Variants in FHDC1 observed in about 807,000 individuals in gnomAD.
FHDC1 encodes FH2 domain containing 1.
A neutral mutation model predicts 52.6 loss-of-function variants in FHDC1; 25 were observed. That is an observed-to-expected ratio of 0.48 (90% CI 0.35 to 0.66). The LOEUF (loss-of-function observed/expected upper bound fraction) is 0.66. Ranked by LOEUF, FHDC1 falls within the 30% of genes least tolerant of loss-of-function variation. The pLI, the probability that FHDC1 is intolerant of heterozygous loss-of-function variation, is 0.01. For synonymous variants in FHDC1, 616 were observed against 581.5 expected (o/e 1.06, Z -0.85); for missense variants, 1,459 against 1,452.8 (o/e 1.00, Z -0.07).
At chr4:152,971,639 G>A (rs939453579) in intron 10 of FHDC1, among the ~76,000 whole-genome samples, 1 of 152,204 alleles carries the variant, frequency 6.6e-6, no homozygotes, top group East Asian at 1.9e-4. Flanking sequence ...AGAAGAATTA[G>A]GAGAAAATGA....
At chr4:152,928,087 C>T in the FHDC1 span, 1 of 1,282,952 alleles carries the variant, frequency 7.8e-7, no homozygotes, top group Non-Finnish European at 1.1e-6. Flanking sequence ...TCCTCCCAGG[C>T]CTGTGCACCT....
Position 152,976,461 on chromosome 4 carries a change from C to A in FHDC1, c.3170C>A (p.Ala1057Asp), listed in dbSNP as rs1452528235. 1.4e-5 allele frequency: 22 copies of A among 1,613,506 alleles called. No homozygotes were observed. The highest frequency in any genetic ancestry group is 1.8e-5 in the Non-Finnish European group (21 of 1,180,036). The change falls in exon 12 of 12, where the codon GCC becomes GAC. Residue 1057 changes from alanine to aspartate, a missense_variant. By Grantham distance (126) the Ala-to-Asp change is moderately radical. Transcript: ENST00000511601. ...ACAGATCTTCCTCCCGTGGCCAAAG[C>A]CCCCGGCATCACTCGGACAGTGTCG... ...MRTDLPPVAKAPGITRTVSQR... is the reference protein window; with the variant it reads ...MRTDLPPVAKDPGITRTVSQR...
At chr4:152,959,534 A>G (rs965667289) in intron 4 of FHDC1, among the ~76,000 whole-genome samples, 1 of 152,224 alleles carries the variant, frequency 6.6e-6, no homozygotes, top group African/African-American at 2.4e-5. Flanking sequence ...GCAACAGAAG[A>G]AAATAGCAGA....
chr4:152,964,120 T>C (rs930548174), intron 8 of FHDC1, among the ~76,000 whole-genome samples: 2 of 152,128 alleles, frequency 1.3e-5, no homozygotes, highest in African/African-American at 4.8e-5. Context: ...GTGAGAGTAG[T>C]GATAACTTAC....
At chr4:152,955,559 G>C (rs1740057347) in intron 4 of FHDC1, among the ~76,000 whole-genome samples, 1 of 152,118 alleles carries the variant, frequency 6.6e-6, no homozygotes, top group South Asian at 2.1e-4. Flanking sequence ...ATCTCAGCTC[G>C]CTGCAACCTC....
intron 6 of FHDC1, among the ~76,000 whole-genome samples, chr4:152,962,214 T>C (rs1389067691): frequency 1.3e-5 from 2 of 152,220 alleles, no homozygotes; most frequent in Non-Finnish European, 2.9e-5. Flanking sequence ...AATGATAAGT[T>C]TCTTTCTAAA....
At chr4:152,944,647 G>A (rs1695156497) in intron 2 of FHDC1, among the ~76,000 whole-genome samples, 1 of 152,172 alleles carries the variant, frequency 6.6e-6, no homozygotes, top group Non-Finnish European at 1.5e-5. Context: ...AAAGCTGATT[G>A]TGTGATCTCC....
At chr4:152,965,019 A>G (rs746134411) in intron 9 of FHDC1, 44 bp downstream of exon 9, 4 of 1,522,346 alleles carry the variant, frequency 2.6e-6, no homozygotes, top group Non-Finnish European at 3.6e-6. Context: ...TTACCTTTTT[A>G]TGAAAACTGA....
intron 6 of FHDC1, among the ~76,000 whole-genome samples, chr4:152,961,958 C>A (rs1740293401): frequency 6.6e-6 from 1 of 152,118 alleles, no homozygotes; most frequent in Non-Finnish European, 1.5e-5. Flanking sequence ...GTCATCCTTC[C>A]AAAACTGGCC....
At chr4:152,964,856 C>A in intron 8 of FHDC1, 49 bp from the exon 9 acceptor site, 1 of 1,476,314 alleles carries the variant, frequency 6.8e-7, no homozygotes, top group South Asian at 1.2e-5. Context: ...AAAATTATTT[C>A]CTTCCAGTTT....
rs1052519657 is a variant in FHDC1 at position 152,976,682 on chromosome 4, C to T, written c.3391C>T (p.Arg1131Trp). The T allele has an allele frequency of 1.9e-6, 3 of 1,540,282 alleles. No individual in the cohort carries two copies. The highest frequency in any genetic ancestry group is 2.6e-6 in the Non-Finnish European group (3 of 1,144,050). Reference sequence around the variant, plus strand: ...CTCCCTCCGTCGGAAGGACTCCAGTCGGACCACGCTGGGGAGAATCCTCAA... The same window carrying T: ...CTCCCTCCGTCGGAAGGACTCCAGTTGGACCACGCTGGGGAGAATCCTCAA... The part of the protein sequence containing the change: ...RASLRRKDSS[R>W]TTLGRILNPL... The change falls in exon 12 of 12, where the codon CGG (arginine) becomes TGG (tryptophan). Residue 1131 changes from arginine to tryptophan, a missense_variant. Physicochemically the swap from Arg to Trp is moderately radical, Grantham distance 101. Around this residue, in one of 3 missense-constraint regions of FHDC1, gnomAD observed 939 missense variants for 854.5 expected, o/e 1.10. Coordinates refer to ENST00000511601, the MANE Select transcript of FHDC1 (RefSeq NM_001371116.1).
chr4:152,975,861 A>G lies in FHDC1; in HGVS notation c.2570A>G (p.Lys857Arg), dbSNP rs769567910. ...GLPRDKPTKR[K>R]DVVAPKRGSL... is the part of the protein sequence containing the mutation. ...CCCAGGGACAAACCCACCAAAAGGA[A>G]AGATGTTGTAGCACCAAAGAGAGGC... The change falls in exon 12 of 12, where the codon AAA becomes AGA. Residue 857 changes from lysine to arginine, a missense_variant. Physicochemically the swap from Lys to Arg is conservative, Grantham distance 26 (BLOSUM62 2). Transcript: ENST00000511601. 5 of 1,514,802 alleles carry G rather than the reference A, an allele frequency of 3.3e-6. No individual in the cohort carries two copies. Among genetic ancestry groups the G allele is most frequent in the Non-Finnish European group, 2.6e-6 (3 of 1,132,978 alleles). 93.8% of individuals were successfully genotyped at this position (1,514,802 alleles called of 1,614,324 possible). A position where few individuals can be genotyped will look rare whatever the true frequency, so the allele number is the denominator to read the frequency against.
Position 152,975,650 on chromosome 4 carries a change from G to A in FHDC1, c.2359G>A (p.Glu787Lys). Residue 787 changes from glutamate (E) to lysine (K), a missense_variant, in exon 12 of 12, where the codon GAG becomes AAG. Glu to Lys is a moderately conservative substitution (Grantham distance 56). This residue lies in a region of FHDC1 where 939 missense variants were observed against 854.5 expected (regional missense o/e 1.10). Coordinates refer to ENST00000511601, the MANE Select transcript of FHDC1 (RefSeq NM_001371116.1). ...CTGCTCACTGACCCTGGACTGCTCA[G>A]AGGGAACCGACTCCAGACCCAGAGG... ...TDCSLTLDCS[E>K]GTDSRPRGGD... is the part of the protein sequence containing the mutation. 3.1e-6 allele frequency: 5 copies of A among 1,613,648 alleles called. No homozygotes were observed. Among genetic ancestry groups the A allele is most frequent in the Non-Finnish European group, 4.2e-6 (5 of 1,179,990 alleles).
chr4:152,937,097 C>T (rs529223872), intron 1 of FHDC1, among the ~76,000 whole-genome samples: 1 of 152,362 alleles, frequency 6.6e-6, no homozygotes, highest in African/African-American at 2.4e-5. Context: ...GGGGTGTCCC[C>T]AGCTCTTGGA....
the FHDC1 span, among the ~76,000 whole-genome samples, chr4:152,925,439 G>A: frequency 6.6e-5 from 10 of 152,092 alleles, no homozygotes; most frequent in South Asian, 1.9e-3. Flanking sequence ...TACATTAAAG[G>A]AACTCTTAGG....
At chr4:152,968,121 C>T (rs771735270) in intron 10 of FHDC1, 24 bp downstream of exon 10, 1 of 1,557,904 alleles carries the variant, frequency 6.4e-7, no homozygotes, top group Non-Finnish European at 8.8e-7. Context: ...TCAAGTCAGT[C>T]CCTCTAATCT....
At chr4:152,928,638 T>C in the FHDC1 span, among the ~76,000 whole-genome samples, 2 of 152,314 alleles carry the variant, frequency 1.3e-5, no homozygotes, top group South Asian at 2.1e-4. Flanking sequence ...TAGATGAATG[T>C]GTTGTTTGGT....
intron 2 of FHDC1, among the ~76,000 whole-genome samples, chr4:152,948,192 T>C (rs1579085110): frequency 6.6e-6 from 1 of 152,242 alleles, no homozygotes; most frequent in African/African-American, 2.4e-5. Flanking sequence ...ATTTTTGTTT[T>C]TCAGGACTTG....
the FHDC1 span, chr4:152,912,495 C>T: frequency 1.3e-5 from 2 of 152,044 alleles, no homozygotes; most frequent in South Asian, 4.1e-4. Flanking sequence ...GAAAATGGGC[C>T]CTCAAAAGTA....
Sources: gnomAD v4.1 joint callset for allele counts (sites outside exome capture counted in the v4.1 genomes callset) on GRCh38, gnomAD v4.1.1 for gene constraint, gnomAD v4.1.1 regional missense constraint, MANE v1.5 for transcripts, NCBI Gene and HGNC (gene_info 2026-07-23, HGNC 2026-07-21) for gene names.